The following MGAT4D variants were observed in gnomAD, a reference collection of about 807,000 sequenced individuals.
MGAT4D encodes alpha-1,3-mannosyl-glycoprotein 4-beta-N-acetylglucosaminyltransferase-like protein MGAT4D.
MGAT4D carries 34 observed loss-of-function variants against 15.9 expected under a neutral mutation model. The ratio of observed to expected loss-of-function variants is 2.14; its 90% CI spans 1.62 to 2.84. The LOEUF (loss-of-function observed/expected upper bound fraction) is 2.84. Ranked by LOEUF, MGAT4D falls within the 30% of genes most tolerant of loss-of-function variation. MGAT4D has a pLI of 0.00. For synonymous variants in MGAT4D, 112 were observed against 48.2 expected, an observed-to-expected ratio of 2.33 and a Z score of -5.49; for missense variants, 327 against 140.2, an observed-to-expected ratio of 2.33 and a Z score of -6.73.
At chr4:140,454,897 TGGAAAA>T (rs763522351) in intron 9 of MGAT4D, among the ~76,000 whole-genome samples, 7,836 of 152,044 alleles carry the variant, frequency 0.052, 239 homozygotes, top group South Asian at 0.097. Context: ...TATTCCCTTA[TGGAAAA>T]TCCTTTTAGT....
chr4:140,465,527 T>C (rs1339346917), intron 5 of MGAT4D, among the ~76,000 whole-genome samples: 1 of 152,168 alleles, frequency 6.6e-6, no homozygotes, highest in Admixed American at 6.5e-5. Flanking sequence ...ATGTGATAGA[T>C]CAACAAGGTC....
chr4:140,494,666 G>T (rs1014451451), intron 1 of MGAT4D, among the ~76,000 whole-genome samples: 1 of 152,052 alleles, frequency 6.6e-6, no homozygotes, highest in Non-Finnish European at 1.5e-5. Context: ...TTGCTATTTC[G>T]GTAAATGGCA....
intron 4 of MGAT4D, among the ~76,000 whole-genome samples, chr4:140,472,875 A>G (rs569216039): frequency 2.0e-5 from 3 of 152,144 alleles, no homozygotes; most frequent in African/African-American, 7.2e-5. Context: ...TTAAACTGGG[A>G]TGCAATGATT....
chr4:140,467,657 T>A (rs1731628815), intron 5 of MGAT4D, among the ~76,000 whole-genome samples: 2 of 152,164 alleles, frequency 1.3e-5, no homozygotes, highest in Admixed American at 1.3e-4. Flanking sequence ...AGGTTATTTA[T>A]ATACAGCATC....
intron 9 of MGAT4D, among the ~76,000 whole-genome samples, 192 bp from the exon 10 acceptor site, chr4:140,451,709 T>G (rs977805160): frequency 6.6e-6 from 1 of 152,048 alleles, no homozygotes; most frequent in Non-Finnish European, 1.5e-5. Flanking sequence ...TAAAAAAGGG[T>G]TTTCATTACA....
chr4:140,481,173 C>T (rs1285877421), intron 2 of MGAT4D, among the ~76,000 whole-genome samples: 1 of 151,898 alleles, frequency 6.6e-6, no homozygotes, highest in Non-Finnish European at 1.5e-5. Flanking sequence ...GGTGTGGTAG[C>T]ACATGACTGT....
chr4:140,448,489 T>C (rs947771403), intron 10 of MGAT4D, among the ~76,000 whole-genome samples: 2 of 152,242 alleles, frequency 1.3e-5, no homozygotes, highest in African/African-American at 4.8e-5. Flanking sequence ...TTGTCTGTTC[T>C]ACTGTTAATA....
intron 10 of MGAT4D, among the ~76,000 whole-genome samples, chr4:140,445,359 C>T (rs1201310466): frequency 2.0e-5 from 3 of 152,036 alleles, no homozygotes; most frequent in Admixed American, 2.0e-4. Context: ...TGTCCTTTAC[C>T]CACTTTTTAA....
intron 10 of MGAT4D, among the ~76,000 whole-genome samples, chr4:140,449,682 C>G (rs1730349779): frequency 6.6e-6 from 1 of 152,120 alleles, no homozygotes. Context: ...ATGGCGTGAA[C>G]CTGGGAGGCA....
intron 5 of MGAT4D, among the ~76,000 whole-genome samples, chr4:140,466,306 G>A (rs968523373): frequency 6.6e-6 from 1 of 152,120 alleles, no homozygotes; most frequent in Non-Finnish European, 1.5e-5. Flanking sequence ...TAAGAAAAAT[G>A]GTTGTGGTGA....
chr4:140,477,783 G>A (rs1377358855), intron 3 of MGAT4D, among the ~76,000 whole-genome samples: 1 of 152,228 alleles, frequency 6.6e-6, no homozygotes, highest in Non-Finnish European at 1.5e-5. Context: ...GATCAGTGAT[G>A]AATTTTACTA....
At chr4:140,491,232 A>G (rs772566862) in intron 1 of MGAT4D, among the ~76,000 whole-genome samples, 1 of 152,190 alleles carries the variant, frequency 6.6e-6, no homozygotes, top group East Asian at 1.9e-4. Context: ...CCCCATGGAC[A>G]GTAATAACAA....
At chr4:140,448,285 T>C (rs1730259549) in intron 10 of MGAT4D, among the ~76,000 whole-genome samples, 1 of 152,228 alleles carries the variant, frequency 6.6e-6, no homozygotes, top group South Asian at 2.1e-4. Flanking sequence ...GACAATATAC[T>C]GAAATAAATT....
intron 9 of MGAT4D, among the ~76,000 whole-genome samples, chr4:140,455,327 C>T (rs774172344): frequency 3.9e-5 from 6 of 152,034 alleles, no homozygotes; most frequent in Non-Finnish European, 5.9e-5. Context: ...CTTCCTTCAC[C>T]TAGGGTTTAT....
At chr4:140,463,003 C>T (rs913354243) in intron 6 of MGAT4D, among the ~76,000 whole-genome samples, 4 of 152,086 alleles carry the variant, frequency 2.6e-5, no homozygotes, top group African/African-American at 9.7e-5. Flanking sequence ...TGAAAAACTG[C>T]GAGTTCCCAA....
intron 10 of MGAT4D, among the ~76,000 whole-genome samples, chr4:140,446,455 T>C (rs13116375): frequency 0.89 from 134,773 of 152,206 alleles, 60,459 homozygotes; most frequent in East Asian, 0.99. Context: ...TTTGTGTGCA[T>C]AGAGGTGTTC....
At chr4:140,489,807 T>C (rs1032379385) in intron 1 of MGAT4D, among the ~76,000 whole-genome samples, 2 of 152,342 alleles carry the variant, frequency 1.3e-5, no homozygotes, top group Non-Finnish European at 2.9e-5. Flanking sequence ...TTCTGGTACA[T>C]GTCTCCTAGT....
At chr4:140,495,147 A>G (rs901712189) in intron 1 of MGAT4D, among the ~76,000 whole-genome samples, 4 of 152,178 alleles carry the variant, frequency 2.6e-5, no homozygotes, top group Non-Finnish European at 5.9e-5. Flanking sequence ...TTCTCGAACA[A>G]ATCAAGGAGA....
Position 140,480,370 on chromosome 4 carries a change from C to A in MGAT4D, c.254-743G>T, listed in dbSNP as rs982361525. Among the ~76,000 whole-genome samples, 3 of 151,826 alleles carry A rather than the reference C, an allele frequency of 2.0e-5. No individual in the cohort carries two copies. In the East Asian group the frequency reaches 5.8e-4, roughly 29 times the overall value. ...CATAGACATAAATGTAAAACATAAACCTATGAATTTTTTTAAAAACAAAAA... is the reference window on the plus strand; with the variant it reads ...CATAGACATAAATGTAAAACATAAAACTATGAATTTTTTTAAAAACAAAAA... On this transcript the variant is annotated intron_variant, in intron 2 of 10. Transcript: ENST00000511113.
Sources: allele counts gnomAD v4.1 joint callset (sites outside exome capture counted in the v4.1 genomes callset), GRCh38; gene constraint gnomAD v4.1.1; transcripts MANE v1.5; gene names NCBI Gene and HGNC (gene_info 2026-07-23, HGNC 2026-07-21).